ARHGAP24: variants seen among roughly 807,000 people sequenced by gnomAD.
ARHGAP24 encodes the protein rho GTPase-activating protein 24.
A neutral mutation model predicts 76.4 loss-of-function variants in ARHGAP24; 50 were observed. The observed-to-expected ratio is 0.65, with a 90% CI of 0.52 to 0.83. The LOEUF is 0.83. ARHGAP24 is among the 40% of genes least tolerant of loss of function. ARHGAP24 has a pLI of 0.00. For missense variants in ARHGAP24, 930 were observed against 914.2 expected, an observed-to-expected ratio of 1.02 and a Z score of -0.22; for synonymous variants, 345 against 323.3, an observed-to-expected ratio of 1.07 and a Z score of -0.72.
intron 2 of ARHGAP24, among the ~76,000 whole-genome samples, chr4:85,613,528 T>G (rs1578078204): frequency 6.6e-6 from 1 of 152,326 alleles, no homozygotes; most frequent in East Asian, 1.9e-4. Flanking sequence ...TGAGAAACAA[T>G]TTTATTTTCC....
intron 4 of ARHGAP24, among the ~76,000 whole-genome samples, chr4:85,927,238 A>G (rs943745358): frequency 1.3e-5 from 2 of 152,182 alleles, no homozygotes; most frequent in African/African-American, 4.8e-5. Flanking sequence ...GCCAACCACA[A>G]AAGAGCACAT....
intron 6 of ARHGAP24, chr4:85,972,479 T>A (rs1486630713): frequency 4.7e-5 from 17 of 358,980 alleles, no homozygotes; most frequent in Non-Finnish European, 8.9e-5. Flanking sequence ...CTGTGTCTCA[T>A]AATCTTTTAA....
chr4:85,708,804 C>A (rs1724412893), intron 2 of ARHGAP24, among the ~76,000 whole-genome samples: 1 of 152,118 alleles, frequency 6.6e-6, no homozygotes, highest in Admixed American at 6.6e-5. Flanking sequence ...ACCTTCATAT[C>A]TATTATCATT....
At chr4:85,589,872 C>G (rs559169497) in intron 2 of ARHGAP24, among the ~76,000 whole-genome samples, 17 of 152,136 alleles carry the variant, frequency 1.1e-4, no homozygotes, top group Admixed American at 2.0e-4. Flanking sequence ...ATAATTCCTT[C>G]TTAATTATAA....
intron 3 of ARHGAP24, among the ~76,000 whole-genome samples, chr4:85,883,471 G>A (rs1449664320): frequency 6.6e-6 from 1 of 152,126 alleles, no homozygotes; most frequent in Non-Finnish European, 1.5e-5. Flanking sequence ...AATGCCAGGA[G>A]GAAAGACCCA....
At chr4:85,765,849 G>C (rs866352268) in intron 3 of ARHGAP24, among the ~76,000 whole-genome samples, 16 of 152,296 alleles carry the variant, frequency 1.1e-4, no homozygotes, top group African/African-American at 3.8e-4. Context: ...ATACAGCACA[G>C]TTCTTTGGTT....
At chr4:85,938,617 C>T (rs987610573) in intron 4 of ARHGAP24, among the ~76,000 whole-genome samples, 9 of 152,230 alleles carry the variant, frequency 5.9e-5, no homozygotes, top group South Asian at 4.1e-4. Context: ...GGGGAGTACA[C>T]GTCTATTAAA....
chr4:85,780,990 G>A (rs560629612), intron 3 of ARHGAP24, among the ~76,000 whole-genome samples: 2 of 152,302 alleles, frequency 1.3e-5, no homozygotes, highest in African/African-American at 4.8e-5. Context: ...AGCACTAAGT[G>A]TTTTATTTTA....
intron 2 of ARHGAP24, among the ~76,000 whole-genome samples, chr4:85,691,587 C>G (rs566981768): frequency 6.6e-6 from 1 of 152,112 alleles, no homozygotes; most frequent in East Asian, 1.9e-4. Flanking sequence ...TTTATCATTA[C>G]GCGATGCCCT....
Position 85,698,346 on chromosome 4 carries a change from T to C in ARHGAP24, c.181-23539T>C, listed in dbSNP as rs531719901. Among the ~76,000 whole-genome samples the C allele has an allele frequency of 3.9e-5, 6 of 152,256 alleles. No homozygotes were observed. In the South Asian group the frequency reaches 1.2e-3, roughly 32 times the overall value. ...TGGGGGACTAAGTGTAAGTAAACTC[T>C]GCAAGTGTATCTATAGAATATAGAA... On this transcript the variant is annotated intron_variant, in intron 2 of 9. Coordinates refer to ENST00000395184, the MANE Select transcript of ARHGAP24 (RefSeq NM_001025616.3).
At chr4:85,982,712 C>T (rs1296974109) in intron 8 of ARHGAP24, among the ~76,000 whole-genome samples, 4 of 152,166 alleles carry the variant, frequency 2.6e-5, no homozygotes, top group African/African-American at 7.2e-5. Flanking sequence ...CTAAATCTGA[C>T]TGCATTCTTA....
rs371604941 is a variant in ARHGAP24, at chr4:85,584,186, C to T, written c.180+13465C>T. Among the ~76,000 whole-genome samples the T allele has an allele frequency of 3.9e-5, 6 of 152,096 alleles. No homozygotes were observed. In the East Asian group the frequency reaches 1.2e-3, roughly 30 times the overall value. ...TATTCACAATAGCAAAGACTTGGAA[C>T]CAACCCAGATGTCCAACAATGATAG... On this transcript the variant is annotated intron_variant, in intron 2 of 9. Coordinates refer to ENST00000395184, the MANE Select transcript of ARHGAP24 (RefSeq NM_001025616.3).
At chr4:85,726,439 C>T (rs956598415) in intron 3 of ARHGAP24, among the ~76,000 whole-genome samples, 6 of 152,154 alleles carry the variant, frequency 3.9e-5, no homozygotes, top group African/African-American at 1.2e-4. Context: ...TGCCCTGCAA[C>T]GCTGTAGCAA....
chr4:85,699,070 A>G (rs1347557093), intron 2 of ARHGAP24, among the ~76,000 whole-genome samples: 1 of 152,184 alleles, frequency 6.6e-6, no homozygotes, highest in Non-Finnish European at 1.5e-5. Flanking sequence ...ACTTCAACAT[A>G]TGAATTCTGG....
chr4:85,913,248 C>T (rs1274212395), intron 3 of ARHGAP24, among the ~76,000 whole-genome samples: 2 of 151,724 alleles, frequency 1.3e-5, no homozygotes, highest in South Asian at 2.1e-4. Flanking sequence ...ACATTCCAGG[C>T]AGAATTTCAT....
At chr4:85,884,256 A>G (rs928730417) in intron 3 of ARHGAP24, among the ~76,000 whole-genome samples, 1 of 152,182 alleles carries the variant, frequency 6.6e-6, no homozygotes, top group Admixed American at 6.5e-5. Flanking sequence ...TTTAGGCACT[A>G]TGTGATCTTA....
At chr4:85,519,484 C>T (rs1047728452) in intron 1 of ARHGAP24, among the ~76,000 whole-genome samples, 2 of 151,988 alleles carry the variant, frequency 1.3e-5, no homozygotes, top group Non-Finnish European at 2.9e-5. Flanking sequence ...AGTAAGTCAG[C>T]AATTAAATAA....
At chr4:85,486,981 AG>A (rs1723082655) in intron 1 of ARHGAP24, among the ~76,000 whole-genome samples, 1 of 151,804 alleles carries the variant, frequency 6.6e-6, no homozygotes, top group African/African-American at 2.4e-5. Flanking sequence ...CTCCTTCAGC[AG>A]GAGTGACTCA....
intron 3 of ARHGAP24, among the ~76,000 whole-genome samples, chr4:85,909,883 C>T (rs77616387): frequency 0.013 from 2,055 of 152,308 alleles, 43 homozygotes; most frequent in African/African-American, 0.044. Context: ...AAACCTCTGG[C>T]CAGTGGCACC....
Sources: gnomAD v4.1 joint callset for allele counts (sites outside exome capture counted in the v4.1 genomes callset) on GRCh38, gnomAD v4.1.1 for gene constraint, MANE v1.5 for transcripts, NCBI Gene and HGNC (gene_info 2026-07-23, HGNC 2026-07-21) for gene names.